The following FIG4 variants were observed in gnomAD, a reference collection of about 807,000 sequenced individuals.
FIG4 encodes polyphosphoinositide phosphatase.
In FIG4, 112 loss-of-function variants were observed where a neutral mutation model predicts 118.6. The observed-to-expected ratio is 0.94, with a 90% CI of 0.81 to 1.11. The LOEUF (loss-of-function observed/expected upper bound fraction) is 1.11. Among genes scored for constraint, FIG4 ranks in the 50% least tolerant of loss-of-function variants. The probability of loss-of-function intolerance (pLI) is 0.00; values close to 1 mark genes in which losing one functional copy is unlikely to be tolerated. For synonymous variants in FIG4, 369 were observed against 381.2 expected (o/e 0.97, Z 0.37); for missense variants, 969 against 1,111.7 (o/e 0.87, Z 1.83).
intron 15 of FIG4, among the ~76,000 whole-genome samples, chr6:109,771,577 C>T (rs1351529962): frequency 6.8e-6 from 1 of 147,684 alleles, no homozygotes; most frequent in Non-Finnish European, 1.5e-5. Flanking sequence ...CATGCCATTC[C>T]CCTGCCTCAG....
intron 10 of FIG4, among the ~76,000 whole-genome samples, chr6:109,747,343 T>G (rs1776534337): frequency 6.6e-6 from 1 of 151,680 alleles, no homozygotes; most frequent in South Asian, 2.1e-4. Context: ...CCATTTAGAG[T>G]GGCTGAATCT....
chr6:109,717,437 A>G (rs6941211), intron 3 of FIG4, among the ~76,000 whole-genome samples: 120,840 of 152,088 alleles, frequency 0.79, 48,217 homozygotes, highest in African/African-American at 0.89. Flanking sequence ...CCTTGTGGTG[A>G]ATCAATAAAC....
chr6:109,694,403 G>A (rs951937233), intron 1 of FIG4, among the ~76,000 whole-genome samples: 9 of 152,130 alleles, frequency 5.9e-5, no homozygotes, highest in African/African-American at 2.2e-4. Flanking sequence ...AATGAAATAA[G>A]GCCCTTCTCT....
chr6:109,693,414 T>C (rs1774609814), intron 1 of FIG4, among the ~76,000 whole-genome samples: 1 of 152,164 alleles, frequency 6.6e-6, no homozygotes, highest in East Asian at 1.9e-4. Flanking sequence ...CAAACAGTAG[T>C]CTCTCAATAG....
intron 21 of FIG4, among the ~76,000 whole-genome samples, chr6:109,795,281 G>A (rs1265602480): frequency 6.6e-6 from 1 of 151,858 alleles, no homozygotes; most frequent in Admixed American, 6.6e-5. Context: ...AACTCTGGCA[G>A]TGATTGTACA....
chr6:109,776,842 C>G (rs1191882873), intron 15 of FIG4, 80 bp from the exon 16 acceptor site: 4 of 1,154,014 alleles, frequency 3.5e-6, no homozygotes, highest in Non-Finnish European at 5.2e-6. Flanking sequence ...TTTTGTACCA[C>G]TATCCTCCTA....
At position 109,695,447 on chromosome 6, in the gene FIG4, A is replaced by G. The variant is rs1490882575; in HGVS notation, c.66+3946A>G. 2.0e-5 allele frequency among the ~76,000 whole-genome samples: 3 copies of G among 152,296 alleles called. No individual in the cohort carries two copies. The East Asian group carries it at 5.8e-4, about 29-fold the overall frequency. On this transcript the variant is annotated intron_variant, in intron 1 of 22. Transcript: ENST00000230124. ...ATGAGCAGCAGCATTGTTGTGGTGGAGAAGGACTCTGTGATGGAGCTTCCT... is the reference window on the plus strand; with the variant it reads ...ATGAGCAGCAGCATTGTTGTGGTGGGGAAGGACTCTGTGATGGAGCTTCCT...
At chr6:109,692,594 G>T (rs1774523181) in intron 1 of FIG4, among the ~76,000 whole-genome samples, 1 of 152,126 alleles carries the variant, frequency 6.6e-6, no homozygotes, top group Admixed American at 6.5e-5. Context: ...AGTATTTTCA[G>T]TTCTCTAATG....
At position 109,727,117 on chromosome 6, in the gene FIG4, A is replaced by G; in HGVS notation, c.298A>G (p.Arg100Gly). The change falls in exon 4 of 23, where the codon AGG becomes GGG. Residue 100 changes from arginine (R) to glycine (G), a missense_variant. This residue lies in a region of FIG4 where 393 missense variants were observed against 409.4 expected (regional missense o/e 0.96). Coordinates refer to ENST00000230124, the MANE Select transcript of FIG4 (RefSeq NM_014845.6). ...VSAFGVVGFV[R>G]FLEGYYIVLI... ...TATTTTTTGTTGCATAGGTTTTGTC[A>G]GGTTCTTAGAAGGCTATTATATTGT... 1 of 1,609,974 alleles carries G rather than the reference A, an allele frequency of 6.2e-7. No individual in the cohort carries two copies. Among genetic ancestry groups the G allele is most frequent in the Non-Finnish European group, 8.5e-7 (1 of 1,176,282 alleles).
Position 109,721,890 on chromosome 6 carries a change from T to G in FIG4, c.290-5219T>G, listed in dbSNP as rs763660402. Among the ~76,000 whole-genome samples the G allele has an allele frequency of 6.0e-4, 92 of 152,322 alleles. 1 individual carries two copies. Among genetic ancestry groups the G allele is most frequent in the Non-Finnish European group, 4.7e-4 (32 of 68,022 alleles). On this transcript the variant is annotated intron_variant, in intron 3 of 22. Transcript: ENST00000230124. ...TTATGAAGGGAAGTGTAGAATGATA[T>G]AAATAGCCTGGTGCTAAAAACATAA...
chr6:109,707,253 CT>C (rs1425838593), intron 1 of FIG4, among the ~76,000 whole-genome samples: 1 of 149,606 alleles, frequency 6.7e-6, no homozygotes, highest in Admixed American at 6.7e-5. Flanking sequence ...TAAATCAGGC[CT>C]TTATAAACTG....
intron 21 of FIG4, among the ~76,000 whole-genome samples, chr6:109,793,913 C>T (rs1778206908): frequency 6.6e-6 from 1 of 152,226 alleles, no homozygotes; most frequent in Admixed American, 6.5e-5. Flanking sequence ...CTCTGACACA[C>T]AAACACACAG....
At chr6:109,733,293 T>C (rs565187563) in intron 5 of FIG4, among the ~76,000 whole-genome samples, 1 of 152,178 alleles carries the variant, frequency 6.6e-6, no homozygotes, top group African/African-American at 2.4e-5. Flanking sequence ...GTCCCAAATA[T>C]TGATAATTGA....
rs17541204 is a variant in FIG4, at chr6:109,789,910, A to G, written c.2180+233A>G. Among the ~76,000 whole-genome samples, 736 of 152,342 alleles carry G rather than the reference A, an allele frequency of 4.8e-3. 5 individuals are homozygous for G. The highest frequency in any genetic ancestry group is 8.9e-3 in the Non-Finnish European group (608 of 68,012). ...GATGACATAAAGGCAGGTGACAGAT[A>G]TGATGTCTTATAAATAACTCAGCAT... On this transcript the variant is annotated intron_variant, in intron 19 of 22. Coordinates refer to ENST00000230124, the MANE Select transcript of FIG4 (RefSeq NM_014845.6).
intron 8 of FIG4, among the ~76,000 whole-genome samples, chr6:109,741,763 T>C (rs1776331459): frequency 6.6e-6 from 1 of 152,176 alleles, no homozygotes; most frequent in Non-Finnish European, 1.5e-5. Context: ...TATGGCCTAG[T>C]GCTTGCATAT....
chr6:109,789,741 A>T (rs1778086328), intron 19 of FIG4, 64 bp downstream of exon 19: 4 of 1,103,794 alleles, frequency 3.6e-6, no homozygotes, highest in South Asian at 2.5e-5. Flanking sequence ...TTGCAATATG[A>T]TTTCCACCAA....
intron 10 of FIG4, among the ~76,000 whole-genome samples, chr6:109,759,572 G>T (rs537483175): frequency 6.6e-6 from 1 of 152,274 alleles, no homozygotes; most frequent in African/African-American, 2.4e-5. Context: ...CTAGTGAGTG[G>T]CAGAGTCACC....
chr6:109,767,319 C>G (rs918388470), intron 15 of FIG4, among the ~76,000 whole-genome samples: 1 of 152,132 alleles, frequency 6.6e-6, no homozygotes, highest in African/African-American at 2.4e-5. Flanking sequence ...GATATTAGCA[C>G]TAAATTATAC....
At chr6:109,813,992 C>T (rs560841279) in intron 22 of FIG4, among the ~76,000 whole-genome samples, 26 of 152,246 alleles carry the variant, frequency 1.7e-4, no homozygotes, top group African/African-American at 5.8e-4. Context: ...TAAACTAAGC[C>T]CCTCTCAGAT....
Sources: gnomAD v4.1 joint callset for allele counts (sites outside exome capture counted in the v4.1 genomes callset) on GRCh38, gnomAD v4.1.1 for gene constraint, gnomAD v4.1.1 regional missense constraint, MANE v1.5 for transcripts, NCBI Gene and HGNC (gene_info 2026-07-23, HGNC 2026-07-21) for gene names.